The following DERL2 variants were observed in gnomAD, a reference collection of about 807,000 sequenced individuals.
The protein encoded by DERL2 is derlin 2.
DERL2 carries 13 observed loss-of-function variants against 32.0 expected under a neutral mutation model. That is an observed-to-expected ratio of 0.41 (90% CI 0.26 to 0.65). The LOEUF (loss-of-function observed/expected upper bound fraction) is 0.65. Among genes scored for constraint, DERL2 ranks in the 30% least tolerant of loss-of-function variants. DERL2 has a pLI of 0.35. For synonymous variants in DERL2, 111 were observed against 104.7 expected (o/e 1.06, Z -0.37); for missense variants, 208 against 296.3 (o/e 0.70, Z 2.19).
chr17:5,483,703 T>C (rs1905953562), intron 2 of DERL2, among the ~76,000 whole-genome samples: 1 of 152,252 alleles, frequency 6.6e-6, no homozygotes, highest in Non-Finnish European at 1.5e-5. Context: ...CTTTTAAATG[T>C]CCTGACCAAG....
Position 5,474,769 on chromosome 17 carries a change from G to A in DERL2, c.635C>T (p.Pro212Leu), listed in dbSNP as rs1905283737. Residue 212 changes from proline (P) to leucine (L), a missense_variant, in exon 7 of 7, where the codon CCA becomes CTA. By Grantham distance (98) the Pro-to-Leu change is moderately conservative. Transcript: ENST00000158771. This position sits in a 1 kb window ranked among gnomAD's most constrained non-coding sequence, Gnocchi z 4.3. ...PSILKAIFDT[P>L]DEDPNYNPLP... Reference sequence around the variant, plus strand: ...TGGATTGTAATTTGGATCCTCATCTGGTGTATCAAAAATAGCTTTCCTAAA... The same window carrying A: ...TGGATTGTAATTTGGATCCTCATCTAGTGTATCAAAAATAGCTTTCCTAAA... The A allele has an allele frequency of 6.2e-7, 1 of 1,613,290 alleles. No individual in the cohort carries two copies. Among genetic ancestry groups the A allele is most frequent in the South Asian group, 1.1e-5 (1 of 90,988 alleles).
At chr17:5,476,161 C>T (rs1390861802) in intron 6 of DERL2, among the ~76,000 whole-genome samples, 2 of 152,028 alleles carry the variant, frequency 1.3e-5, no homozygotes, top group Admixed American at 6.6e-5. Context: ...CAAAAGACTC[C>T]CTAAGTACTA....
chr17:5,474,262 T>C lies in DERL2; in HGVS notation c.*422A>G, dbSNP rs751821000. The C allele has an allele frequency of 2.3e-4, 35 of 153,814 alleles. No homozygotes were observed. Among genetic ancestry groups the C allele is most frequent in the Non-Finnish European group, 3.8e-4 (26 of 69,284 alleles). 9.5% of individuals were successfully genotyped at this position (153,814 alleles called of 1,614,324 possible). On this transcript the variant is annotated 3_prime_UTR_variant, in exon 7 of 7. Transcript: ENST00000158771. This position sits in a 1 kb window ranked among gnomAD's most constrained non-coding sequence, Gnocchi z 4.3. ...GGAGGGCTACAATACATTATCAGAA[T>C]TTAAAAGATCACACACAAAAGCTTT...
At chr17:5,482,276 G>A (rs1409569803) in intron 3 of DERL2, 1 of 153,858 alleles carries the variant, frequency 6.5e-6, no homozygotes, top group Non-Finnish European at 1.4e-5. Context: ...AGGGGTGGAA[G>A]AGGAATGCCC....
intron 2 of DERL2, among the ~76,000 whole-genome samples, chr17:5,484,369 C>T (rs554787389): frequency 4.6e-4 from 70 of 152,348 alleles, no homozygotes; most frequent in Non-Finnish European, 8.2e-4. Context: ...GCCTCAGCCT[C>T]GCCAGTAGCT....
Position 5,471,286 on chromosome 17 carries a change from G to A in DERL2, c.*3398C>T, listed in dbSNP as rs958952649. On this transcript the variant is annotated 3_prime_UTR_variant, in exon 7 of 7. Coordinates refer to ENST00000158771, the MANE Select transcript of DERL2 (RefSeq NM_016041.5). ...ATCAATAAACAAAGGTATTTATTCA[G>A]CACCCATGTGCCAAGCACTGTGCTA... The A allele has an allele frequency of 2.6e-5, 4 of 152,214 alleles. No homozygotes were observed. The highest frequency in any genetic ancestry group is 7.2e-5 in the African/African-American group (3 of 41,448). The allele number at this position is 152,214 out of a possible 1,614,324, so 9.4% of individuals were successfully genotyped here. A position where few individuals can be genotyped will look rare whatever the true frequency, so the allele number is the denominator to read the frequency against.
In DERL2 at chr17:5,480,388, C is replaced by G; in HGVS notation, c.522G>C (p.Leu174Phe). 6.2e-7 allele frequency: 1 copy of G among 1,610,060 alleles called. No individual in the cohort carries two copies. The highest frequency in any genetic ancestry group is 8.5e-7 in the Non-Finnish European group (1 of 1,178,876). ...LLGNSIIVDL[L>F]GIAVGHIYFF... is the part of the protein sequence containing the mutation. Reference sequence around the variant, plus strand: ...AAAAAATAGTGAGAAGAGCCTTACCCAAAAGGTCCACAATGATTGAGTTCC... The same window carrying G: ...AAAAAATAGTGAGAAGAGCCTTACCGAAAAGGTCCACAATGATTGAGTTCC... Residue 174 changes from leucine (L) to phenylalanine (F), a missense_variant and splice_region_variant, in exon 5 of 7, where the codon TTG (leucine) becomes TTC (phenylalanine). By Grantham distance (22) the Leu-to-Phe change is conservative. Transcript: ENST00000158771.
intron 4 of DERL2, chr17:5,480,961 T>C (rs905332851): frequency 2.2e-5 from 12 of 544,710 alleles, no homozygotes; most frequent in Middle Eastern, 4.6e-4. Context: ...TCTAAGTCTA[T>C]TGTATAGATG....
chr17:5,475,413 C>T (rs553769597), intron 6 of DERL2, among the ~76,000 whole-genome samples: 1 of 152,104 alleles, frequency 6.6e-6, no homozygotes, highest in East Asian at 1.9e-4. Flanking sequence ...GCGCCCGCCA[C>T]CACGCCCGGC....
At chr17:5,484,105 T>G (rs1453063051) in intron 2 of DERL2, among the ~76,000 whole-genome samples, 3 of 152,188 alleles carry the variant, frequency 2.0e-5, no homozygotes, top group African/African-American at 7.2e-5. Context: ...AAAGGCAAGC[T>G]AGAGTTCAAT....
In DERL2 at chr17:5,485,131, T is replaced by C; in HGVS notation, c.159+20A>G. 2 of 1,501,230 alleles carry C rather than the reference T, an allele frequency of 1.3e-6. No individual in the cohort carries two copies. Among genetic ancestry groups the C allele is most frequent in the Non-Finnish European group, 1.8e-6 (2 of 1,096,366 alleles). The allele number at this position is 1,501,230 out of a possible 1,614,324, so 93.0% of individuals were successfully genotyped here. A position where few individuals can be genotyped will look rare whatever the true frequency, so the allele number is the denominator to read the frequency against. ...AAGAAGAAACTGAAGCATTAATCAC[T>C]ATTGTGATGAACCACTTACTTGAAA... On this transcript the variant is annotated intron_variant, in intron 2 of 6. Coordinates refer to ENST00000158771, the MANE Select transcript of DERL2 (RefSeq NM_016041.5).
At position 5,472,079 on chromosome 17, in the gene DERL2, C is replaced by G. The variant is rs1040573400; in HGVS notation, c.*2605G>C. The G allele has an allele frequency of 6.6e-6, 1 of 152,014 alleles. No individual in the cohort carries two copies. Among genetic ancestry groups the G allele is most frequent in the Non-Finnish European group, 1.5e-5 (1 of 68,016 alleles). The allele number at this position is 152,014 out of a possible 1,614,324, so 9.4% of individuals were successfully genotyped here. ...AAATCCATACTGGAAAAAAACGCAC[C>G]GAAATGTATATAAAATGTATCTCCT... On this transcript the variant is annotated 3_prime_UTR_variant, in exon 7 of 7. Transcript: ENST00000158771.
chr17:5,481,470 G>A lies in DERL2; in HGVS notation c.234-81C>T, dbSNP rs548259800. On this transcript the variant is annotated intron_variant, in intron 3 of 6. Transcript: ENST00000158771. This position sits in a 1 kb window ranked among gnomAD's most constrained non-coding sequence, Gnocchi z 4.4. ...TTAATGTTATCTTGTAAGTACACTT[G>A]GATTCCATATTATTTGTAATTAGTC... 2.1e-4 allele frequency: 195 copies of A among 932,824 alleles called. 3 individuals carry two copies. In the South Asian group the frequency reaches 2.6e-3, roughly 12 times the overall value. The allele number at this position is 932,824 out of a possible 1,614,324, so 57.8% of individuals were successfully genotyped here.
rs778048100 is a variant in DERL2 at position 5,482,775 on chromosome 17, AG to A, written c.233+33del. 82 of 1,212,730 alleles carry A rather than the reference AG, an allele frequency of 6.8e-5. 2 individuals are homozygous for A. The South Asian group carries it at 9.0e-4, about 13-fold the overall frequency. 75.1% of individuals were successfully genotyped at this position (1,212,730 alleles called of 1,614,324 possible). A position where few individuals can be genotyped will look rare whatever the true frequency, so the allele number is the denominator to read the frequency against. On this transcript the variant is annotated intron_variant, in intron 3 of 6. Transcript: ENST00000158771. ...CTTAATTTTTTACTTCCTAAGAAAA[AG>A]TTTTGATGCTGACCCCATTTAATAA... is the stretch of plus-strand genomic sequence containing the variant.
intron 6 of DERL2, among the ~76,000 whole-genome samples, chr17:5,476,255 C>T (rs1033616064): frequency 6.6e-5 from 10 of 152,228 alleles, no homozygotes; most frequent in Admixed American, 5.2e-4. Context: ...ACTTGTAATC[C>T]TCCACAGTTG....
intron 4 of DERL2, chr17:5,480,915 A>C (rs1203905869): frequency 2.1e-6 from 1 of 485,670 alleles, no homozygotes; most frequent in East Asian, 3.3e-5. Context: ...GAATAAAGCT[A>C]GCTGGAACAA....
intron 1 of DERL2, among the ~76,000 whole-genome samples, chr17:5,485,433 T>G (rs1003934686): frequency 3.5e-4 from 54 of 152,196 alleles, no homozygotes; most frequent in African/African-American, 1.2e-3. Context: ...AAAAGTCTGT[T>G]TTATGTTGCA....
At chr17:5,479,922 G>T (rs1905658532) in intron 6 of DERL2, 132 bp downstream of exon 6, 1 of 607,902 alleles carries the variant, frequency 1.6e-6, no homozygotes, top group Non-Finnish European at 2.9e-6. Context: ...ACTGTAGCCA[G>T]AATGCTCAAT....
rs765563147 is a variant in DERL2 at position 5,482,891 on chromosome 17, A to G, written c.160-9T>C. ...GTGATTAATCTCCATATCTGTTAAA[A>G]AAAAATCAAGAGAAAGATGTATTAA... On this transcript the variant is annotated splice_polypyrimidine_tract_variant and intron_variant, in intron 2 of 6. Coordinates refer to ENST00000158771, the MANE Select transcript of DERL2 (RefSeq NM_016041.5). The G allele has an allele frequency of 4.9e-6, 7 of 1,418,032 alleles. No individual in the cohort carries two copies. In the Admixed American group the frequency reaches 6.6e-5, roughly 13 times the overall value. The allele number at this position is 1,418,032 out of a possible 1,614,324, so 87.8% of individuals were successfully genotyped here.
Sources: gnomAD v4.1 joint callset for allele counts (sites outside exome capture counted in the v4.1 genomes callset) on GRCh38, gnomAD v4.1.1 for gene constraint, Gnocchi (gnomAD v3.1) non-coding constraint, MANE v1.5 for transcripts, NCBI Gene and HGNC (gene_info 2026-07-23, HGNC 2026-07-21) for gene names.